SLC4A4: variants seen among roughly 807,000 people sequenced by gnomAD.
The protein encoded by SLC4A4 is solute carrier family 4 member 4.
Under a neutral mutation model 111.5 loss-of-function variants are expected in SLC4A4, and 27 were observed. The ratio of observed to expected loss-of-function variants is 0.24; its 90% CI spans 0.18 to 0.33. The LOEUF is 0.33. Among genes scored for constraint, SLC4A4 ranks in the 10% least tolerant of loss-of-function variants. SLC4A4 has a pLI of 1.00. For synonymous variants in SLC4A4, 443 were observed against 463.4 expected, an observed-to-expected ratio of 0.96 and a Z score of 0.57; for missense variants, 909 against 1,315.5, an observed-to-expected ratio of 0.69 and a Z score of 4.78.
At chr4:71,148,399 T>C (rs1744234670) in intron 2 of SLC4A4, among the ~76,000 whole-genome samples, 3 of 152,202 alleles carry the variant, frequency 2.0e-5, no homozygotes, top group Non-Finnish European at 2.9e-5. Context: ...TTCTTTCTTT[T>C]TTTAATTTAA....
intron 6 of SLC4A4, among the ~76,000 whole-genome samples, chr4:71,371,786 G>A (rs1731911015): frequency 6.6e-6 from 1 of 151,702 alleles, no homozygotes; most frequent in African/African-American, 2.4e-5. Context: ...CCTTCTCTAG[G>A]GTCTGTATCT....
At chr4:71,386,649 A>T (rs536574919) in intron 6 of SLC4A4, among the ~76,000 whole-genome samples, 6 of 151,964 alleles carry the variant, frequency 3.9e-5, no homozygotes, top group Non-Finnish European at 7.4e-5. Flanking sequence ...TATTGGTCTA[A>T]TCTAAAATCT....
At chr4:71,361,954 CT>C (rs987095000) in intron 6 of SLC4A4, among the ~76,000 whole-genome samples, 8 of 151,894 alleles carry the variant, frequency 5.3e-5, no homozygotes, top group African/African-American at 1.5e-4. Context: ...GATGATCAGA[CT>C]TTTTTTTAAA....
intron 2 of SLC4A4, among the ~76,000 whole-genome samples, chr4:71,132,693 G>T (rs1743739250): frequency 6.6e-6 from 1 of 152,124 alleles, no homozygotes; most frequent in Non-Finnish European, 1.5e-5. Flanking sequence ...ATAGTAAGAT[G>T]AAGAAAAAAA....
At chr4:71,244,773 C>CTTTTTTTTTT (rs11440449) in intron 2 of SLC4A4, among the ~76,000 whole-genome samples, 1 of 146,016 alleles carries the variant, frequency 6.8e-6, no homozygotes, top group Non-Finnish European at 1.5e-5. Flanking sequence ...ATGGACCATG[C>CTTTTTTTTTT]TTTTTTTTTT....
chr4:71,240,407 A>G (rs1279299528), intron 2 of SLC4A4, among the ~76,000 whole-genome samples: 1 of 152,158 alleles, frequency 6.6e-6, no homozygotes, highest in Non-Finnish European at 1.5e-5. Flanking sequence ...AACAACTCAG[A>G]AAATATAAGA....
At position 71,384,784 on chromosome 4, in the gene SLC4A4, A is replaced by T. The variant is rs141428248; in HGVS notation, c.731-12793A>T. Among the ~76,000 whole-genome samples, 426 of 152,194 alleles carry T rather than the reference A, an allele frequency of 2.8e-3. 4 individuals carry two copies. The highest frequency in any genetic ancestry group is 3.0e-3 in the Non-Finnish European group (204 of 68,030). On this transcript the variant is annotated intron_variant, in intron 6 of 25. Transcript: ENST00000264485. ...GTCTCTATTTTTTATAATTTGCTAC[A>T]AAAACCTATTTTTGTAGCAAATATT...
chr4:71,075,957 C>CTAAA (rs66711227), intron 1 of SLC4A4, among the ~76,000 whole-genome samples: 10,375 of 140,170 alleles, frequency 0.074, 451 homozygotes, highest in East Asian at 0.11. Context: ...GACTCCATCT[C>CTAAA]TAAATAAATA....
intron 19 of SLC4A4, 74 bp downstream of exon 19, chr4:71,546,602 G>A (rs1026276691): frequency 7.8e-7 from 1 of 1,285,222 alleles, no homozygotes; most frequent in South Asian, 1.2e-5. Context: ...ATAAGGATAT[G>A]GGCAGATTTG....
chr4:71,163,143 C>T (rs1333937662), intron 2 of SLC4A4, among the ~76,000 whole-genome samples: 1 of 152,070 alleles, frequency 6.6e-6, no homozygotes, highest in East Asian at 1.9e-4. Context: ...GTAGACAGAC[C>T]GTTAATACTT....
chr4:71,531,799 ACACAC>A lies in SLC4A4; in HGVS notation c.2167-262_2167-258del, dbSNP rs1733947119. Among the ~76,000 whole-genome samples, 313 of 147,832 alleles carry A rather than the reference ACACAC, an allele frequency of 2.1e-3. 1 individual carries two copies. The highest frequency in any genetic ancestry group is 7.6e-3 in the African/African-American group (302 of 39,552). ...CACACACACACACACACACACACAC[ACACAC>A]AGAAAGAGAGAGAGAGAGAGAGAAA... On this transcript the variant is annotated intron_variant, in intron 16 of 25. Transcript: ENST00000264485.
rs1448093886 is a variant in SLC4A4 at position 71,255,089 on chromosome 4, TAG to T, written c.74-128_74-127del. On this transcript the variant is annotated intron_variant, in intron 2 of 25. Coordinates refer to ENST00000264485, the MANE Select transcript of SLC4A4 (RefSeq NM_001098484.3). ...AAATTGGGAGGAAATTTTATTTTTCTAGAGTTTGCCAAATATAGAATGGTAAC... is the reference window on the plus strand; with the variant it reads ...AAATTGGGAGGAAATTTTATTTTTCTAGTTTGCCAAATATAGAATGGTAAC... The T allele has an allele frequency of 1.7e-4, 161 of 938,208 alleles. 1 individual carries two copies. The highest frequency in any genetic ancestry group is 5.4e-5 in the Admixed American group (3 of 55,404). 58.1% of individuals were successfully genotyped at this position (938,208 alleles called of 1,614,324 possible).
intron 2 of SLC4A4, among the ~76,000 whole-genome samples, chr4:71,147,981 C>T (rs1744225229): frequency 6.6e-6 from 1 of 152,150 alleles, no homozygotes; most frequent in Non-Finnish European, 1.5e-5. Flanking sequence ...TTAGTGTTTT[C>T]TTCCATGTCC....
intron 18 of SLC4A4, among the ~76,000 whole-genome samples, chr4:71,539,150 C>T (rs1734825811): frequency 6.6e-6 from 1 of 151,872 alleles, no homozygotes; most frequent in South Asian, 2.1e-4. Flanking sequence ...CCTATTTTTG[C>T]CCTACTTTCA....
At chr4:71,318,894 A>G (rs1726908174) in intron 3 of SLC4A4, among the ~76,000 whole-genome samples, 1 of 146,808 alleles carries the variant, frequency 6.8e-6, no homozygotes, top group Non-Finnish European at 1.5e-5. Context: ...GTTTTGTTCT[A>G]TTGTAGTAGA....
intron 3 of SLC4A4, among the ~76,000 whole-genome samples, chr4:71,290,527 G>T (rs1419526237): frequency 1.3e-5 from 2 of 152,138 alleles, no homozygotes; most frequent in African/African-American, 4.8e-5. Context: ...AGAAAAATTT[G>T]TTTCCAGTGA....
At chr4:71,492,186 G>A (rs918284295) in intron 15 of SLC4A4, among the ~76,000 whole-genome samples, 5 of 150,806 alleles carry the variant, frequency 3.3e-5, no homozygotes, top group Admixed American at 1.3e-4. Context: ...AAAGTATTAC[G>A]TAAAATTTTA....
intron 2 of SLC4A4, among the ~76,000 whole-genome samples, chr4:71,118,912 T>C (rs1469034755): frequency 6.6e-6 from 1 of 152,176 alleles, no homozygotes; most frequent in Non-Finnish European, 1.5e-5. Context: ...GAATGATTCA[T>C]GCAAAATGAG....
chr4:71,439,767 T>C (rs1724546865), intron 7 of SLC4A4, among the ~76,000 whole-genome samples: 2 of 151,852 alleles, frequency 1.3e-5, no homozygotes, highest in South Asian at 4.2e-4. Context: ...TACCAAATAC[T>C]GTTTACATGG....
Sources: allele counts gnomAD v4.1 joint callset (sites outside exome capture counted in the v4.1 genomes callset), GRCh38; gene constraint gnomAD v4.1.1; transcripts MANE v1.5; gene names NCBI Gene and HGNC (gene_info 2026-07-23, HGNC 2026-07-21).